Variants in TRPC5 observed in about 807,000 individuals in gnomAD.
TRPC5 encodes transient receptor potential cation channel subfamily C member 5, also known as short transient receptor potential channel 5.
In TRPC5, 9 loss-of-function variants were observed where a neutral mutation model predicts 56.5. The ratio of observed to expected loss-of-function variants is 0.16; its 90% CI spans 0.10 to 0.28. The LOEUF (loss-of-function observed/expected upper bound fraction) is 0.28. TRPC5 is among the 10% of genes least tolerant of loss of function. The pLI is 1.00. For missense variants in TRPC5, 469 were observed against 748.9 expected, an observed-to-expected ratio of 0.63 and a Z score of 4.36; for synonymous variants, 282 against 278.5, an observed-to-expected ratio of 1.01 and a Z score of -0.13.
At chrX:111,925,234 A>G (rs927941270) in intron 2 of TRPC5, among the ~76,000 whole-genome samples, 1 of 112,584 alleles carries the variant, frequency 8.9e-6, no homozygotes, top group African/African-American at 3.2e-5. Flanking sequence ...ACCCAGAAAT[A>G]TAAGATCTAG....
intron 7 of TRPC5, among the ~76,000 whole-genome samples, chrX:111,801,134 A>G (rs1921296422): frequency 8.9e-6 from 1 of 112,136 alleles, no homozygotes; most frequent in African/African-American, 3.2e-5. Context: ...ATTTCATATA[A>G]ATGGAATCAT....
At chrX:111,894,522 C>T (rs911293735) in intron 3 of TRPC5, among the ~76,000 whole-genome samples, 2 of 111,347 alleles carry the variant, frequency 1.8e-5, no homozygotes, top group Non-Finnish European at 3.8e-5. Flanking sequence ...ATTAAAAACT[C>T]GGCCTAGCTA....
At position 112,019,187 on chromosome X, in the gene TRPC5, T is replaced by C. The variant is rs779238904; in HGVS notation, c.-22+62692A>G. 8.0e-5 allele frequency among the ~76,000 whole-genome samples: 9 copies of C among 112,364 alleles called. No homozygotes were observed. The South Asian group carries it at 3.3e-3, about 41-fold the overall frequency. On this transcript the variant is annotated intron_variant, in intron 1 of 10. Coordinates refer to ENST00000262839, the MANE Select transcript of TRPC5 (RefSeq NM_012471.3). Reference sequence around the variant, plus strand: ...GAGAAGGTGTATATACACCAGCGACTGAGAATATTGGCAGGCCATCTTAGA... The same window carrying C: ...GAGAAGGTGTATATACACCAGCGACCGAGAATATTGGCAGGCCATCTTAGA...
chrX:112,055,389 G>C (rs942851178), intron 1 of TRPC5, among the ~76,000 whole-genome samples: 10 of 111,527 alleles, frequency 9.0e-5, no homozygotes, highest in Admixed American at 1.9e-4. Context: ...AAGTCTTTGT[G>C]AGGTATCTTT....
intron 1 of TRPC5, among the ~76,000 whole-genome samples, chrX:112,035,798 AT>A (rs1328974246): frequency 1.9e-5 from 2 of 107,667 alleles, no homozygotes; most frequent in African/African-American, 3.4e-5. Context: ...TGCCTGGCTA[AT>A]TTTTTGTATG....
At chrX:111,782,230 G>A in intron 7 of TRPC5, 92 bp from the exon 8 acceptor site, 1 of 748,618 alleles carries the variant, frequency 1.3e-6, no homozygotes, top group Non-Finnish European at 1.9e-6. Context: ...CTTCTATAGA[G>A]GGCAATATGT....
chrX:112,040,320 A>G (rs1425475852), intron 1 of TRPC5, among the ~76,000 whole-genome samples: 1 of 112,564 alleles, frequency 8.9e-6, no homozygotes, highest in East Asian at 2.8e-4. Flanking sequence ...TGCTACGTTA[A>G]AAACAAATCA....
intron 1 of TRPC5, among the ~76,000 whole-genome samples, chrX:112,002,116 T>G (rs1006112546): frequency 9.8e-5 from 11 of 111,699 alleles, no homozygotes; most frequent in African/African-American, 3.6e-4. Context: ...ATTTTTTTCT[T>G]CAAACAGTAC....
intron 3 of TRPC5, chrX:111,901,787 C>T: frequency 2.1e-6 from 2 of 931,760 alleles, no homozygotes; most frequent in Non-Finnish European, 2.9e-6. Flanking sequence ...TATCCATTGT[C>T]ACCAAGAGTC....
At chrX:111,817,323 A>ATT (rs148024546) in intron 7 of TRPC5, among the ~76,000 whole-genome samples, 42 of 82,908 alleles carry the variant, frequency 5.1e-4, no homozygotes, top group African/African-American at 5.8e-4. Flanking sequence ...CTCTTATCTG[A>ATT]TTTTTTTTTT....
At chrX:111,789,690 A>G (rs1239253104) in intron 7 of TRPC5, among the ~76,000 whole-genome samples, 3 of 112,402 alleles carry the variant, frequency 2.7e-5, no homozygotes, top group Non-Finnish European at 5.6e-5. Flanking sequence ...AATATCCAGA[A>G]TCTACAAAGA....
chrX:111,980,307 C>A (rs756217104), intron 1 of TRPC5, among the ~76,000 whole-genome samples: 1 of 110,782 alleles, frequency 9.0e-6, no homozygotes, highest in Non-Finnish European at 1.9e-5. Context: ...TCAATGGTTG[C>A]CTGTGGATGA....
intron 7 of TRPC5, among the ~76,000 whole-genome samples, chrX:111,818,273 A>C (rs1156668743): frequency 8.9e-6 from 1 of 112,057 alleles, no homozygotes; most frequent in African/African-American, 3.2e-5. Flanking sequence ...CTCAAGTATT[A>C]CCTTCTCAAA....
In TRPC5 at chrX:111,769,905, T is replaced by A. The variant is rs1425873531; in HGVS notation, c.*6408A>T. The stretch of plus-strand genomic sequence containing the variant: ...AAATTTAATCTTATAGGATCATGAT[T>A]TTCTACCATTGAGGATATTCAGAGA... On this transcript the variant is annotated 3_prime_UTR_variant, in exon 11 of 11. Transcript: ENST00000262839. Among the ~76,000 whole-genome samples, 1 of 111,802 alleles carries A rather than the reference T, an allele frequency of 8.9e-6. No homozygotes were observed. Among genetic ancestry groups the A allele is most frequent in the Non-Finnish European group, 1.9e-5 (1 of 53,124 alleles).
chrX:111,854,188 T>C, intron 3 of TRPC5, 82 bp from the exon 4 acceptor site: 1 of 1,032,071 alleles, frequency 9.7e-7, no homozygotes, highest in Non-Finnish European at 1.3e-6. Flanking sequence ...TAGTTTACAG[T>C]CAGCTCTGGC....
At chrX:111,787,944 C>G (rs12654368) in intron 7 of TRPC5, among the ~76,000 whole-genome samples, 1 of 111,595 alleles carries the variant, frequency 9.0e-6, no homozygotes, top group Non-Finnish European at 1.9e-5. Flanking sequence ...CAAAAAAAGT[C>G]CAGTACCAGA....
intron 1 of TRPC5, among the ~76,000 whole-genome samples, chrX:111,974,777 C>T (rs1479125630): frequency 1.8e-5 from 2 of 111,370 alleles, no homozygotes; most frequent in Non-Finnish European, 3.8e-5. Context: ...TTATTTTGAC[C>T]TTACTCCAGG....
intron 6 of TRPC5, among the ~76,000 whole-genome samples, chrX:111,841,202 A>G (rs1433623172): frequency 8.9e-6 from 1 of 112,485 alleles, no homozygotes; most frequent in Non-Finnish European, 1.9e-5. Flanking sequence ...AGTAGCTGCA[A>G]ATGAATGGTA....
chrX:111,834,871 G>C, intron 7 of TRPC5, 50 bp downstream of exon 7: 1 of 1,029,615 alleles, frequency 9.7e-7, no homozygotes, highest in Non-Finnish European at 1.3e-6. Flanking sequence ...TGCCGATGTT[G>C]CCCCAACCTG....
Sources: gnomAD v4.1 joint callset for allele counts (sites outside exome capture counted in the v4.1 genomes callset) on GRCh38, gnomAD v4.1.1 for gene constraint, MANE v1.5 for transcripts, NCBI Gene and HGNC (gene_info 2026-07-23, HGNC 2026-07-21) for gene names.